Variants in MLXIPL observed in about 807,000 individuals in gnomAD.
MLXIPL encodes MLX interacting protein like.
Under a neutral mutation model 81.5 loss-of-function variants are expected in MLXIPL, and 49 were observed. That is an observed-to-expected ratio of 0.60 (90% CI 0.48 to 0.76). The LOEUF (loss-of-function observed/expected upper bound fraction) is 0.76. Ranked by LOEUF, MLXIPL falls within the 30% of genes least tolerant of loss-of-function variation. MLXIPL has a pLI of 0.00. For synonymous variants in MLXIPL, 466 were observed against 485.5 expected (o/e 0.96, Z 0.53); for missense variants, 1,053 against 1,167.0 (o/e 0.90, Z 1.42).
At chr7:73,618,787 C>A (rs377316704) in intron 1 of MLXIPL, among the ~76,000 whole-genome samples, 1 of 152,170 alleles carries the variant, frequency 6.6e-6, no homozygotes, top group South Asian at 2.1e-4. Context: ...GTGGGGGACT[C>A]CTGAGTCTGT....
intron 2 of MLXIPL, among the ~76,000 whole-genome samples, 159 bp downstream of exon 2, chr7:73,615,912 C>CAAAAA (rs71082239): frequency 1.9e-5 from 1 of 53,218 alleles, no homozygotes; most frequent in Non-Finnish European, 4.1e-5. Flanking sequence ...GACTGTGTCT[C>CAAAAA]AAAAAAAAAA....
chr7:73,642,345 T>C, the MLXIPL span, among the ~76,000 whole-genome samples: 4 of 151,860 alleles, frequency 2.6e-5, no homozygotes, highest in Non-Finnish European at 4.4e-5. Context: ...GAGGTTTCTA[T>C]TTATTTATTT....
At chr7:73,628,508 T>C (rs1246810882), upstream of MLXIPL, among the ~76,000 whole-genome samples, 1 of 152,208 alleles carries the variant, frequency 6.6e-6, no homozygotes, top group Non-Finnish European at 1.5e-5. Context: ...ATTTCTCCTG[T>C]GTTTAGAGAC....
rs782486662 is a variant in MLXIPL, at chr7:73,597,667, C to A, written c.1118G>T (p.Ser373Ile). 3.5e-5 allele frequency: 48 copies of A among 1,380,424 alleles called. No homozygotes were observed. In the South Asian group the frequency reaches 8.8e-4, roughly 25 times the overall value. 85.5% of individuals were successfully genotyped at this position (1,380,424 alleles called of 1,614,324 possible). ...GTCTTCAGGAAGGAGGAAATCAGAA[C>A]TCAGGAAGGCGCTGGAGTCCAAGGG... ...PGPLDSSAFLSSDFLLPEDPK... is the reference protein window; with the variant it reads ...PGPLDSSAFLISDFLLPEDPK... The change falls in exon 9 of 17, where the codon AGT becomes ATT. Residue 373 changes from serine (S) to isoleucine (I), a missense_variant. Transcript: ENST00000313375.
rs374159288 is a variant in MLXIPL at position 73,597,710 on chromosome 7, G to A, written c.1075C>T (p.Arg359Trp). The A allele has an allele frequency of 1.5e-6, 2 of 1,341,426 alleles. No individual in the cohort carries two copies. Among genetic ancestry groups the A allele is most frequent in the East Asian group, 2.7e-5 (1 of 36,604 alleles). 83.1% of individuals were successfully genotyped at this position (1,341,426 alleles called of 1,614,324 possible). A position where few individuals can be genotyped will look rare whatever the true frequency, so the allele number is the denominator to read the frequency against. The change falls in exon 9 of 17, where the codon CGG becomes TGG. Residue 359 changes from arginine (R) to tryptophan (W), a missense_variant. This residue lies in a region of MLXIPL where 823 missense variants were observed against 933.0 expected (regional missense o/e 0.88). Coordinates refer to ENST00000313375, the MANE Select transcript of MLXIPL (RefSeq NM_032951.3). ...TCCAAGGGGCCAGGGCAGCTGTTCC[G>A]AGCCTGGTTGGGGGGACAGACAGAC... ...HLSGHSRLQA[R>W]NSCPGPLDSS...
At chr7:73,639,048 G>A in the MLXIPL span, among the ~76,000 whole-genome samples, 1 of 152,120 alleles carries the variant, frequency 6.6e-6, no homozygotes, top group African/African-American at 2.4e-5. Flanking sequence ...TTAGTGCTCT[G>A]GGCTGCAGCC....
At chr7:73,640,495 G>A in the MLXIPL span, among the ~76,000 whole-genome samples, 18 of 151,850 alleles carry the variant, frequency 1.2e-4, no homozygotes, top group South Asian at 1.0e-3. Context: ...AGATGATGGC[G>A]GCCGGGCGTG....
In MLXIPL at chr7:73,596,071, C is replaced by T. The variant is rs1032843689; in HGVS notation, c.2058+82G>A. ...GGAGGCAAGAGTGTCTGGAGCACTCCCCTGCAATTGAGTTTTGGGTGGGGG... is the reference window on the plus strand; with the variant it reads ...GGAGGCAAGAGTGTCTGGAGCACTCTCCTGCAATTGAGTTTTGGGTGGGGG... On this transcript the variant is annotated intron_variant, in intron 13 of 16. Transcript: ENST00000313375. This position sits in a 1 kb window ranked among gnomAD's most constrained non-coding sequence, Gnocchi z 4.7. 4 of 1,598,292 alleles carry T rather than the reference C, an allele frequency of 2.5e-6. No individual in the cohort carries two copies. Among genetic ancestry groups the T allele is most frequent in the Non-Finnish European group, 3.4e-6 (4 of 1,175,198 alleles).
At chr7:73,606,153 C>G in intron 5 of MLXIPL, 42 bp from the exon 6 acceptor site, 1 of 1,543,536 alleles carries the variant, frequency 6.5e-7, no homozygotes. Context: ...AGAGCTCCCA[C>G]TGCCCCGATC....
chr7:73,594,334 G>C lies in MLXIPL; in HGVS notation c.2380C>G (p.Leu794Val), dbSNP rs1554592917. 1 of 1,611,166 alleles carries C rather than the reference G, an allele frequency of 6.2e-7. No individual in the cohort carries two copies. ...GMVSTASVHT[L>V]RQTSLAWLDQ... ...AGCCAGGCCAGTGAGGTCTGGCGGA[G>C]GGTGTGCACACTTGCCGTGGACACC... Residue 794 changes from leucine to valine, a missense_variant, in exon 16 of 17, where the codon CTC (leucine) becomes GTC (valine). Coordinates refer to ENST00000313375, the MANE Select transcript of MLXIPL (RefSeq NM_032951.3).
At chr7:73,644,037 T>C in the MLXIPL span, among the ~76,000 whole-genome samples, 1 of 152,074 alleles carries the variant, frequency 6.6e-6, no homozygotes, top group South Asian at 2.1e-4. Context: ...CCTGAGTGGC[T>C]GGGACTATAA....
At chr7:73,609,201 C>G (rs1431054287) in intron 2 of MLXIPL, 1 of 148,140 alleles carries the variant, frequency 6.8e-6, no homozygotes, top group Non-Finnish European at 1.5e-5. Flanking sequence ...CCTGGGCTCA[C>G]GAGGCTTTTC....
chr7:73,644,684 C>A, the MLXIPL span, among the ~76,000 whole-genome samples: 2 of 152,104 alleles, frequency 1.3e-5, no homozygotes, highest in Non-Finnish European at 2.9e-5. Context: ...CCTTCCTGGT[C>A]GACATCTCTG....
chr7:73,613,856 G>A (rs1449937944), intron 2 of MLXIPL, among the ~76,000 whole-genome samples: 6 of 152,174 alleles, frequency 3.9e-5, no homozygotes, highest in African/African-American at 1.4e-4. Context: ...TCTTCTGCAG[G>A]CTGGGTGTGG....
At chr7:73,626,106 C>T (rs1437487675), upstream of MLXIPL, among the ~76,000 whole-genome samples, 2 of 151,896 alleles carry the variant, frequency 1.3e-5, no homozygotes, top group Admixed American at 6.6e-5. Context: ...CTGGTTCAAG[C>T]GATTCTCCTG....
In MLXIPL at chr7:73,596,735, T is replaced by C. The variant is rs782770481; in HGVS notation, c.1726A>G (p.Thr576Ala). ...CTFLPPTPAP[T>A]PPRPPPGPAT... ...GGGCCTGGAGGTGGCCGGGGCGGTGTAGGGGCCGGGGTCGGGGGAAGGAAT... is the reference window on the plus strand; with the variant it reads ...GGGCCTGGAGGTGGCCGGGGCGGTGCAGGGGCCGGGGTCGGGGGAAGGAAT... The change falls in exon 11 of 17, where the codon ACA (threonine) becomes GCA (alanine). Residue 576 changes from threonine (T) to alanine (A), a missense_variant. Coordinates refer to ENST00000313375, the MANE Select transcript of MLXIPL (RefSeq NM_032951.3). The surrounding 1 kb of genome is among the most constrained non-coding windows in gnomAD (Gnocchi z 4.7). 1 of 1,594,246 alleles carries C rather than the reference T, an allele frequency of 6.3e-7. No individual in the cohort carries two copies. The highest frequency in any genetic ancestry group is 1.1e-5 in the South Asian group (1 of 88,580).
intron 7 of MLXIPL, among the ~76,000 whole-genome samples, chr7:73,602,866 G>A (rs371706324): frequency 6.6e-6 from 1 of 152,216 alleles, no homozygotes; most frequent in Non-Finnish European, 1.5e-5. Flanking sequence ...CACTCCCTGG[G>A]TCCCGGGCAG....
At position 73,597,409 on chromosome 7, in the gene MLXIPL, G is replaced by A; in HGVS notation, c.1376C>T (p.Pro459Leu). Residue 459 changes from proline (P) to leucine (L), a missense_variant, in exon 9 of 17, where the codon CCA becomes CTA. Transcript: ENST00000313375. ...GGGGGCTGGGCTGGGGACAGACTGT[G>A]GGGTGGGTGGGAAGGCTGCAGGAGC... ...LPAPAAFPPT[P>L]QSVPSPAPTP... The A allele has an allele frequency of 1.4e-6, 2 of 1,435,914 alleles. No homozygotes were observed. The highest frequency in any genetic ancestry group is 1.8e-6 in the Non-Finnish European group (2 of 1,090,682). 88.9% of individuals were successfully genotyped at this position (1,435,914 alleles called of 1,614,324 possible).
intron 7 of MLXIPL, among the ~76,000 whole-genome samples, chr7:73,599,909 G>A (rs888740913): frequency 6.6e-6 from 1 of 152,054 alleles, no homozygotes; most frequent in African/African-American, 2.4e-5. Flanking sequence ...GAATGAGCTT[G>A]CGTGGGAGAG....
Sources: allele counts gnomAD v4.1 joint callset (sites outside exome capture counted in the v4.1 genomes callset), GRCh38; gene constraint gnomAD v4.1.1; regional missense constraint gnomAD v4.1.1; non-coding constraint Gnocchi (gnomAD v3.1); transcripts MANE v1.5; gene names NCBI Gene and HGNC (gene_info 2026-07-23, HGNC 2026-07-21).